The following SLC35A5 variants were observed in gnomAD, a reference collection of about 807,000 sequenced individuals.
SLC35A5 encodes solute carrier family 35 member A5.
In SLC35A5, 28 loss-of-function variants were observed where a neutral mutation model predicts 36.3. The ratio of observed to expected loss-of-function variants is 0.77; its 90% CI spans 0.57 to 1.06. The LOEUF (loss-of-function observed/expected upper bound fraction) is 1.06. Ranked by LOEUF, SLC35A5 falls within the 50% of genes least tolerant of loss-of-function variation. The pLI is 0.00. For missense variants in SLC35A5, 521 were observed against 499.3 expected, an observed-to-expected ratio of 1.04 and a Z score of -0.41; for synonymous variants, 180 against 173.7, an observed-to-expected ratio of 1.04 and a Z score of -0.29.
chr3:112,562,590 G>A (rs547377071), intron 1 of SLC35A5, among the ~76,000 whole-genome samples: 3 of 152,284 alleles, frequency 2.0e-5, no homozygotes, highest in South Asian at 4.1e-4. Context: ...TGATTTCTAC[G>A]ATCTCCTCCA....
chr3:112,564,366 G>A (rs994907423), intron 2 of SLC35A5: 7 of 152,140 alleles, frequency 4.6e-5, no homozygotes, highest in African/African-American at 1.7e-4. Context: ...TCATAAACAA[G>A]GTAAAGAATT....
In SLC35A5 at chr3:112,580,774, C is replaced by T. The variant is rs1934873838; in HGVS notation, c.657C>T (p.Thr219=). 1.2e-6 allele frequency: 2 copies of T among 1,614,026 alleles called. No homozygotes were observed. ...EWTFPEAKWN[T]TARVFSHIRL... is the part of the protein sequence containing the mutation. ...CTTTTCCTGAAGCTAAATGGAACAC[C>T]ACAGCCAGAGTTTTCAGTCACATCC... The change falls in exon 6 of 7, where the codon ACC becomes ACT. Residue 219 remains threonine, a synonymous_variant. Transcript: ENST00000492406.
chr3:112,583,055 A>G lies in SLC35A5; in HGVS notation c.*319A>G, dbSNP rs1403547408. 4.5e-6 allele frequency: 2 copies of G among 443,230 alleles called. No individual in the cohort carries two copies. The highest frequency in any genetic ancestry group is 7.9e-6 in the Non-Finnish European group (2 of 252,846). 27.5% of individuals were successfully genotyped at this position (443,230 alleles called of 1,614,324 possible). A position where few individuals can be genotyped will look rare whatever the true frequency, so the allele number is the denominator to read the frequency against. ...AAAACTTGTAATAATCATGTTAGCTATAGCTTGTATATACACATAGAGATC... is the reference window on the plus strand; with the variant it reads ...AAAACTTGTAATAATCATGTTAGCTGTAGCTTGTATATACACATAGAGATC... On this transcript the variant is annotated 3_prime_UTR_variant, in exon 7 of 7. Transcript: ENST00000492406.
chr3:112,569,176 A>T lies in SLC35A5; in HGVS notation c.136A>T (p.Lys46Ter). 1 of 1,612,306 alleles carries T rather than the reference A, an allele frequency of 6.2e-7. No individual in the cohort carries two copies. Among genetic ancestry groups the T allele is most frequent in the Non-Finnish European group, 8.5e-7 (1 of 1,178,798 alleles). ...ACATTTCTGTTACATTTCAGAAAAC[A>T]AGTATGATTATCTTCCAACTACTGT... ...LVKYSANEEN[K>*]YDYLPTTVNV... The change falls in exon 3 of 7, where the codon AAG becomes TAG. Residue 46 changes from lysine to a stop codon, truncating the protein, a stop_gained. Transcript: ENST00000492406. LOFTEE classifies it high-confidence loss of function.
At position 112,581,261 on chromosome 3, in the gene SLC35A5, G is replaced by C. The variant is rs190634539; in HGVS notation, c.1144G>C (p.Glu382Gln). The change falls in exon 6 of 7, where the codon GAA becomes CAA. Residue 382 changes from glutamate to glutamine, a missense_variant. Transcript: ENST00000492406. ...TAATGCCAGCAAGCCTCAAGTTCCGGAATACGCACCTAGGCAAGAAAGGAT... is the reference window on the plus strand; with the variant it reads ...TAATGCCAGCAAGCCTCAAGTTCCGCAATACGCACCTAGGCAAGAAAGGAT... ...IYNASKPQVPEYAPRQERIRD... is the reference protein window; with the variant it reads ...IYNASKPQVPQYAPRQERIRD... 6.2e-7 allele frequency: 1 copy of C among 1,613,694 alleles called. No individual in the cohort carries two copies. The highest frequency in any genetic ancestry group is 2.2e-5 in the East Asian group (1 of 44,880).
chr3:112,569,743 T>G (rs1934357901), intron 3 of SLC35A5, among the ~76,000 whole-genome samples: 1 of 152,226 alleles, frequency 6.6e-6, no homozygotes, highest in Admixed American at 6.5e-5. Context: ...AATTCCTTTC[T>G]CAAATGTAAA....
chr3:112,570,711 A>G (rs762597801), intron 4 of SLC35A5, 41 bp downstream of exon 4: 6 of 1,498,672 alleles, frequency 4.0e-6, no homozygotes, highest in South Asian at 2.6e-5. Flanking sequence ...GAAAAGATAC[A>G]GAGAAATAAA....
upstream of SLC35A5, chr3:112,561,901 G>C (rs113051221): frequency 0.01 from 2,538 of 246,706 alleles, 69 homozygotes; most frequent in African/African-American, 0.055. Context: ...GCCCCTTCCG[G>C]CTTCCCTTCC....
Position 112,563,492 on chromosome 3 carries a change from G to A in SLC35A5, c.89G>A (p.Ser30Asn). The change falls in exon 2 of 7, where the codon AGC (serine) becomes AAC (asparagine). Residue 30 changes from serine to asparagine, a missense_variant. By Grantham distance (46) the Ser-to-Asn change is conservative (BLOSUM62 1). Transcript: ENST00000492406. ...FLLGAIFIAL[S>N]SSRILLVKYS... The stretch of plus-strand genomic sequence containing the variant: ...CTAGGTGCCATATTCATTGCTTTAA[G>A]CTCAAGTCGCATCTTACTAGTGAAG... 6.2e-7 allele frequency: 1 copy of A among 1,607,474 alleles called. No individual in the cohort carries two copies. The highest frequency in any genetic ancestry group is 1.7e-4 in the Middle Eastern group (1 of 6,022).
rs771564794 is a variant in SLC35A5 at position 112,569,268 on chromosome 3, A to G, written c.228A>G (p.Lys76=). Residue 76 remains lysine (K), a splice_region_variant and synonymous_variant, in exon 3 of 7, where the codon AAA becomes AAG. Coordinates refer to ENST00000492406, the MANE Select transcript of SLC35A5 (RefSeq NM_017945.5). ...CVLVSFCVIK[K]DHQSRNLKYA... is the part of the protein sequence containing the mutation. ...TTGTGTCATTCTGTGTTATAAAGAA[A>G]GGTAAGTCTTGAAATGGTACTATAT... The G allele has an allele frequency of 1.5e-5, 24 of 1,613,122 alleles. No homozygotes were observed. The highest frequency in any genetic ancestry group is 2.0e-5 in the Non-Finnish European group (23 of 1,179,362).
intron 4 of SLC35A5, among the ~76,000 whole-genome samples, chr3:112,572,234 G>A (rs1004839437): frequency 4.0e-5 from 6 of 151,678 alleles, no homozygotes; most frequent in Non-Finnish European, 5.9e-5. Flanking sequence ...GAGCCACCGT[G>A]CCCGGCCGAC....
chr3:112,577,318 T>A (rs1322682974), intron 5 of SLC35A5, among the ~76,000 whole-genome samples: 1 of 152,202 alleles, frequency 6.6e-6, no homozygotes, highest in African/African-American at 2.4e-5. Context: ...TTTCCAAGGA[T>A]TCAAACTTTA....
rs767145102 is a variant in SLC35A5 at position 112,563,550 on chromosome 3, T to C, written c.130+17T>C. Reference sequence around the variant, plus strand: ...CCAATGAAGGTAAGTTAAGACTTGGTATATGCATGGAGCACTTCCATCTAA... The same window carrying C: ...CCAATGAAGGTAAGTTAAGACTTGGCATATGCATGGAGCACTTCCATCTAA... On this transcript the variant is annotated intron_variant, in intron 2 of 6. Transcript: ENST00000492406. 1.9e-6 allele frequency: 3 copies of C among 1,586,452 alleles called. No homozygotes were observed. In the South Asian group the frequency reaches 3.4e-5, roughly 18 times the overall value.
chr3:112,577,520 A>G (rs1934725170), intron 5 of SLC35A5, among the ~76,000 whole-genome samples: 1 of 152,218 alleles, frequency 6.6e-6, no homozygotes, highest in African/African-American at 2.4e-5. Flanking sequence ...TTGTAACCTA[A>G]GCAAAGTTGC....
At chr3:112,563,628 A>G in intron 2 of SLC35A5, 95 bp downstream of exon 2, 1 of 1,258,232 alleles carries the variant, frequency 7.9e-7, no homozygotes, top group Non-Finnish European at 1.0e-6. Flanking sequence ...TGGAAATAAT[A>G]ATGCCTTTTG....
chr3:112,580,925 A>G lies in SLC35A5; in HGVS notation c.808A>G (p.Lys270Glu). The change falls in exon 6 of 7, where the codon AAA (lysine) becomes GAA (glutamate). Residue 270 changes from lysine to glutamate, a missense_variant. By Grantham distance (56) the Lys-to-Glu change is moderately conservative. Transcript: ENST00000492406. ...LTESIFIQNS[K>E]LYFFGILFNG... ...TGAAAGCATCTTCATACAGAACAGCAAACTCTATTTCTTTGGCATTCTGTT... is the reference window on the plus strand; with the variant it reads ...TGAAAGCATCTTCATACAGAACAGCGAACTCTATTTCTTTGGCATTCTGTT... The G allele has an allele frequency of 6.2e-7, 1 of 1,614,170 alleles. No homozygotes were observed. Among genetic ancestry groups the G allele is most frequent in the South Asian group, 1.1e-5 (1 of 91,090 alleles).
chr3:112,584,782 T>C lies in SLC35A5; in HGVS notation c.*2046T>C, dbSNP rs1935081912. 1 of 152,148 alleles carries C rather than the reference T, an allele frequency of 6.6e-6. No homozygotes were observed. The highest frequency in any genetic ancestry group is 2.1e-4 in the South Asian group (1 of 4,830). 9.4% of individuals were successfully genotyped at this position (152,148 alleles called of 1,614,324 possible). On this transcript the variant is annotated 3_prime_UTR_variant, in exon 7 of 7. Transcript: ENST00000492406. The stretch of plus-strand genomic sequence containing the variant: ...TATTCACAGTAACAAAATCATGGAC[T>C]CAACCTAAGTGTCCATCAGTGGTGC...
chr3:112,567,877 G>C (rs1386628382), intron 2 of SLC35A5, among the ~76,000 whole-genome samples: 6 of 152,230 alleles, frequency 3.9e-5, no homozygotes, highest in African/African-American at 1.4e-4. Context: ...ATATGCACAT[G>C]TTGGCTTATG....
rs533806715 is a variant in SLC35A5, at chr3:112,579,437, T to G, written c.429-1109T>G. Among the ~76,000 whole-genome samples the G allele has an allele frequency of 3.9e-5, 6 of 152,172 alleles. No homozygotes were observed. In the South Asian group the frequency reaches 1.2e-3, roughly 32 times the overall value. On this transcript the variant is annotated intron_variant, in intron 5 of 6. Coordinates refer to ENST00000492406, the MANE Select transcript of SLC35A5 (RefSeq NM_017945.5). ...TCGGTGTTCCCCTTCTTTGCCTAAC[T>G]AACTGATCTTCAAACATCAAGATTT...
Sources: allele counts gnomAD v4.1 joint callset (sites outside exome capture counted in the v4.1 genomes callset), GRCh38; gene constraint gnomAD v4.1.1; transcripts MANE v1.5; gene names NCBI Gene and HGNC (gene_info 2026-07-23, HGNC 2026-07-21).